The following RAB15 variants were observed in gnomAD, a reference collection of about 807,000 sequenced individuals.
RAB15 encodes RAB15, member RAS oncogene family, also known as ras-related protein Rab-15.
In RAB15, 13 loss-of-function variants were observed where a neutral mutation model predicts 31.8. The observed-to-expected ratio is 0.41, with a 90% CI of 0.27 to 0.65. The LOEUF (loss-of-function observed/expected upper bound fraction) is 0.65, where lower values mean the gene tolerates loss of function less well. RAB15 is among the 30% of genes least tolerant of loss of function. The pLI is 0.32. For synonymous variants in RAB15, 100 were observed against 105.6 expected, an observed-to-expected ratio of 0.95 and a Z score of 0.33; for missense variants, 220 against 277.3, an observed-to-expected ratio of 0.79 and a Z score of 1.47.
Position 64,948,723 on chromosome 14 carries a change from T to G in RAB15, c.425A>C (p.Glu142Ala). 6.2e-7 allele frequency: 1 copy of G among 1,613,990 alleles called. No homozygotes were observed. The highest frequency in any genetic ancestry group is 8.5e-7 in the Non-Finnish European group (1 of 1,179,968). The change falls in exon 6 of 7, where the codon GAG (glutamate) becomes GCG (alanine). Residue 142 changes from glutamate (E) to alanine (A), a missense_variant. Transcript: ENST00000533601. This position sits in a 1 kb window ranked among gnomAD's most constrained non-coding sequence, Gnocchi z 7.0. ...TGTTTCATAGAAGTCCATGCCATAC[T>G]CCTTCGCCAGCTGCAAGAGAAGGAC... Reference protein sequence around the residue: ...GREQGQQLAKEYGMDFYETSA... With the variant: ...GREQGQQLAKAYGMDFYETSA...
chr14:64,965,697 T>C lies in RAB15; in HGVS notation c.124+6256A>G, dbSNP rs375518133. On this transcript the variant is annotated intron_variant, in intron 1 of 6. Coordinates refer to ENST00000533601, the MANE Select transcript of RAB15 (RefSeq NM_001308154.2). The stretch of plus-strand genomic sequence containing the variant: ...AGAGCTGGCAATCAGGGTAGAAGGA[T>C]AATGGCCAAATATCAGCTTTCATGT... Among the ~76,000 whole-genome samples, 124 of 152,144 alleles carry C rather than the reference T, an allele frequency of 8.2e-4. 3 individuals carry two copies. The South Asian group carries it at 0.021, about 26-fold the overall frequency.
At position 64,947,195 on chromosome 14, in the gene RAB15, CTCT is replaced by C. The variant is rs1885969076; in HGVS notation, c.*1156_*1158del. 6.6e-6 allele frequency: 1 copy of C among 152,548 alleles called. No individual in the cohort carries two copies. Among genetic ancestry groups the C allele is most frequent in the African/African-American group, 2.4e-5 (1 of 41,570 alleles). 9.4% of individuals were successfully genotyped at this position (152,548 alleles called of 1,614,324 possible). A position where few individuals can be genotyped will look rare whatever the true frequency, so the allele number is the denominator to read the frequency against. ...CTCCGCCTGGGAGTCTGAGGAAATG[CTCT>C]TCTTACCTAAGAAATGGAAGATGGG... is the stretch of plus-strand genomic sequence containing the variant. On this transcript the variant is annotated 3_prime_UTR_variant, in exon 7 of 7. Transcript: ENST00000533601. This position sits in a 1 kb window ranked among gnomAD's most constrained non-coding sequence, Gnocchi z 5.6.
In RAB15 at chr14:64,968,260, C is replaced by T. The variant is rs116296298; in HGVS notation, c.124+3693G>A. On this transcript the variant is annotated intron_variant, in intron 1 of 6. Transcript: ENST00000533601. The surrounding 1 kb of genome is among the most constrained non-coding windows in gnomAD (Gnocchi z 4.9). Reference sequence around the variant, plus strand: ...TGCATCTAAACTGCCTAGAGCCCCACGGACACCTACTCAATCCCACCTCTG... The same window carrying T: ...TGCATCTAAACTGCCTAGAGCCCCATGGACACCTACTCAATCCCACCTCTG... Among the ~76,000 whole-genome samples, 158 of 152,294 alleles carry T rather than the reference C, an allele frequency of 1.0e-3. 1 individual carries two copies. The highest frequency in any genetic ancestry group is 3.7e-3 in the African/African-American group (152 of 41,570).
intron 1 of RAB15, among the ~76,000 whole-genome samples, chr14:64,961,362 A>G (rs1035260720): frequency 2.6e-5 from 4 of 152,186 alleles, no homozygotes; most frequent in Admixed American, 2.6e-4. Context: ...CCGGGAGCTG[A>G]TATGGTTTGG....
chr14:64,951,128 A>G lies in RAB15; in HGVS notation c.270T>C (p.Ile90=). The G allele has an allele frequency of 6.2e-7, 1 of 1,612,574 alleles. No homozygotes were observed. Among genetic ancestry groups the G allele is most frequent in the South Asian group, 1.1e-5 (1 of 91,082 alleles). ...TGTGCTGGTAAGAGCGCTCGCTGCTAATGTCATAGACCAAAAATATCCCCT... is the reference window on the plus strand; with the variant it reads ...TGTGCTGGTAAGAGCGCTCGCTGCTGATGTCATAGACCAAAAATATCCCCT... The part of the protein sequence containing the change: ...RAQGIFLVYD[I]SSERSYQHIM... Residue 90 remains isoleucine (I), a synonymous_variant, in exon 4 of 7, where the codon ATT becomes ATC. Transcript: ENST00000533601. This position sits in a 1 kb window ranked among gnomAD's most constrained non-coding sequence, Gnocchi z 7.2.
intron 1 of RAB15, among the ~76,000 whole-genome samples, chr14:64,959,240 A>G (rs1886731719): frequency 6.6e-6 from 1 of 152,196 alleles, no homozygotes; most frequent in African/African-American, 2.4e-5. Flanking sequence ...AGTTCAGCCC[A>G]TGGGTATCCA....
chr14:64,960,008 G>T (rs1287708028), intron 1 of RAB15, among the ~76,000 whole-genome samples: 4 of 152,198 alleles, frequency 2.6e-5, no homozygotes, highest in Non-Finnish European at 5.9e-5. Context: ...TCAATCAACT[G>T]ATGGTGCCAT....
At chr14:64,961,042 T>C (rs1886825446) in intron 1 of RAB15, among the ~76,000 whole-genome samples, 3 of 151,958 alleles carry the variant, frequency 2.0e-5, no homozygotes, top group Admixed American at 1.3e-4. Context: ...GGGTGCCAAA[T>C]GTTATCACCA....
rs1028605946 is a variant in RAB15 at position 64,952,748 on chromosome 14, A to T, written c.125-177T>A. Among the ~76,000 whole-genome samples the T allele has an allele frequency of 6.6e-6, 1 of 152,196 alleles. No individual in the cohort carries two copies. Among genetic ancestry groups the T allele is most frequent in the Admixed American group, 6.5e-5 (1 of 15,282 alleles). On this transcript the variant is annotated intron_variant, in intron 1 of 6. Coordinates refer to ENST00000533601, the MANE Select transcript of RAB15 (RefSeq NM_001308154.2). This position sits in a 1 kb window ranked among gnomAD's most constrained non-coding sequence, Gnocchi z 4.2. ...CCTTAAGGAAGTATCTGAAGCTTTG[A>T]AAGGGGCTTTCCTCCCTCCCTGAGC...
Position 64,971,884 on chromosome 14 carries a change from G to T in RAB15, c.124+69C>A, listed in dbSNP as rs761628733. On this transcript the variant is annotated intron_variant, in intron 1 of 6. Coordinates refer to ENST00000533601, the MANE Select transcript of RAB15 (RefSeq NM_001308154.2). The surrounding 1 kb of genome is among the most constrained non-coding windows in gnomAD (Gnocchi z 4.1). ...GGGGCTGGCAATTCCTCCCCAGCTG[G>T]GGACGGGGGCGGCGGGGAAAGGGGC... The T allele has an allele frequency of 2.2e-5, 32 of 1,453,460 alleles. No homozygotes were observed. In the South Asian group the frequency reaches 3.7e-4, roughly 17 times the overall value. 90.0% of individuals were successfully genotyped at this position (1,453,460 alleles called of 1,614,324 possible).
chr14:64,948,916 C>T lies in RAB15; in HGVS notation c.415-183G>A, dbSNP rs1263495538. 6.6e-6 allele frequency among the ~76,000 whole-genome samples: 1 copy of T among 152,120 alleles called. No homozygotes were observed. The highest frequency in any genetic ancestry group is 1.5e-5 in the Non-Finnish European group (1 of 68,016). On this transcript the variant is annotated intron_variant, in intron 5 of 6. Transcript: ENST00000533601. The surrounding 1 kb of genome is among the most constrained non-coding windows in gnomAD (Gnocchi z 7.0). ...AGGGTAGCAGAGAATGGGGGAAGAT[C>T]CTCCACAAATATGCCTCTCCATTCT...
At position 64,948,404 on chromosome 14, in the gene RAB15, C is replaced by G; in HGVS notation, c.589G>C (p.Glu197Gln). ...TTCGCTGGGCCCTCGGGTTTGCCCTCCTCCTCCTCCAGCTCTGCCAGTGCC... is the reference window on the plus strand; with the variant it reads ...TTCGCTGGGCCCTCGGGTTTGCCCTGCTCCTCCTCCAGCTCTGCCAGTGCC... Reference protein sequence around the residue: ...ELALAELEEEEGKPEGPANSS... With the variant: ...ELALAELEEEQGKPEGPANSS... Residue 197 changes from glutamate to glutamine, a missense_variant, in exon 7 of 7, where the codon GAG becomes CAG. Physicochemically the swap from Glu to Gln is conservative, Grantham distance 29. Transcript: ENST00000533601. This position sits in a 1 kb window ranked among gnomAD's most constrained non-coding sequence, Gnocchi z 7.0. 6.2e-7 allele frequency: 1 copy of G among 1,612,694 alleles called. No individual in the cohort carries two copies. Among genetic ancestry groups the G allele is most frequent in the Non-Finnish European group, 8.5e-7 (1 of 1,179,612 alleles).
Position 64,948,541 on chromosome 14 carries a change from A to G in RAB15, c.481-29T>C, listed in dbSNP as rs1253109859. On this transcript the variant is annotated intron_variant, in intron 6 of 6. Coordinates refer to ENST00000533601, the MANE Select transcript of RAB15 (RefSeq NM_001308154.2). The surrounding 1 kb of genome is among the most constrained non-coding windows in gnomAD (Gnocchi z 7.0). The stretch of plus-strand genomic sequence containing the variant: ...GAAACCAAAGGGCACAGGTTAGTCC[A>G]GTGTCTCCTCCTCTCCCCTGGCAAC... 3 of 1,600,682 alleles carry G rather than the reference A, an allele frequency of 1.9e-6. No individual in the cohort carries two copies. The highest frequency in any genetic ancestry group is 2.6e-6 in the Non-Finnish European group (3 of 1,172,932).
chr14:64,954,008 T>G lies in RAB15; in HGVS notation c.125-1437A>C. 1.0e-6 allele frequency: 1 copy of G among 985,418 alleles called. No homozygotes were observed. The highest frequency in any genetic ancestry group is 1.2e-6 in the Non-Finnish European group (1 of 829,922). The allele number at this position is 985,418 out of a possible 1,614,324, so 61.0% of individuals were successfully genotyped here. On this transcript the variant is annotated intron_variant, in intron 1 of 6. Transcript: ENST00000533601. This position sits in a 1 kb window ranked among gnomAD's most constrained non-coding sequence, Gnocchi z 4.3. ...CCCTTATCTGTGCTGTCCCCAGCTTTCTACAAAGGCAAACAAATTAAATTC... is the reference window on the plus strand; with the variant it reads ...CCCTTATCTGTGCTGTCCCCAGCTTGCTACAAAGGCAAACAAATTAAATTC...
rs146932878 is a variant in RAB15 at position 64,962,146 on chromosome 14, C to T, written c.125-9575G>A. Among the ~76,000 whole-genome samples, 117 of 151,872 alleles carry T rather than the reference C, an allele frequency of 7.7e-4. 1 individual carries two copies. In the Middle Eastern group the frequency reaches 0.01, roughly 13 times the overall value. On this transcript the variant is annotated intron_variant, in intron 1 of 6. Coordinates refer to ENST00000533601, the MANE Select transcript of RAB15 (RefSeq NM_001308154.2). The surrounding 1 kb of genome is among the most constrained non-coding windows in gnomAD (Gnocchi z 4.2). Reference sequence around the variant, plus strand: ...ATGAGAATCGCTTGAACCTGGGAGGCGGAAGTTGCAGTGAGCCAAGATTGT... The same window carrying T: ...ATGAGAATCGCTTGAACCTGGGAGGTGGAAGTTGCAGTGAGCCAAGATTGT...
At position 64,955,399 on chromosome 14, in the gene RAB15, G is replaced by T. The variant is rs1353751575; in HGVS notation, c.125-2828C>A. On this transcript the variant is annotated intron_variant, in intron 1 of 6. Transcript: ENST00000533601. This position sits in a 1 kb window ranked among gnomAD's most constrained non-coding sequence, Gnocchi z 4.4. Reference sequence around the variant, plus strand: ...GCCCCAGTAACCCGTGCCCATCGTGGCTCCTTCCCTCTCCCTGCGTGGCTG... The same window carrying T: ...GCCCCAGTAACCCGTGCCCATCGTGTCTCCTTCCCTCTCCCTGCGTGGCTG... Among the ~76,000 whole-genome samples, 2 of 152,152 alleles carry T rather than the reference G, an allele frequency of 1.3e-5. No individual in the cohort carries two copies. The highest frequency in any genetic ancestry group is 4.8e-5 in the African/African-American group (2 of 41,424).
Position 64,951,133 on chromosome 14 carries a change from C to T in RAB15, c.265G>A (p.Asp89Asn), listed in dbSNP as rs1226453436. Residue 89 changes from aspartate (D) to asparagine (N), a missense_variant, in exon 4 of 7, where the codon GAC (aspartate) becomes AAC (asparagine). Coordinates refer to ENST00000533601, the MANE Select transcript of RAB15 (RefSeq NM_001308154.2). This position sits in a 1 kb window ranked among gnomAD's most constrained non-coding sequence, Gnocchi z 7.2. The part of the protein sequence containing the change: ...RRAQGIFLVY[D>N]ISSERSYQHI... ...TGGTAAGAGCGCTCGCTGCTAATGT[C>T]ATAGACCAAAAATATCCCCTGAGAG... 1.2e-6 allele frequency: 2 copies of T among 1,612,404 alleles called. No homozygotes were observed. The highest frequency in any genetic ancestry group is 3.3e-5 in the Admixed American group (2 of 60,010).
At position 64,968,209 on chromosome 14, in the gene RAB15, T is replaced by G. The variant is rs1286233074; in HGVS notation, c.124+3744A>C. On this transcript the variant is annotated intron_variant, in intron 1 of 6. Transcript: ENST00000533601. The surrounding 1 kb of genome is among the most constrained non-coding windows in gnomAD (Gnocchi z 4.9). ...CAGAGAGAGAAACAGAAGAATCTTC[T>G]CACTTTCCTGAAGAATCCCTTCTGT... is the stretch of plus-strand genomic sequence containing the variant. 6.6e-6 allele frequency among the ~76,000 whole-genome samples: 1 copy of G among 152,180 alleles called. No individual in the cohort carries two copies. The highest frequency in any genetic ancestry group is 2.4e-5 in the African/African-American group (1 of 41,426).
chr14:64,963,584 C>A lies in RAB15; in HGVS notation c.124+8369G>T, dbSNP rs1886972329. ...CTGTGCTGACTGGTAGCAAAAGGTTCAGGGAAGAAAAGACTAGGACATAGA... is the reference window on the plus strand; with the variant it reads ...CTGTGCTGACTGGTAGCAAAAGGTTAAGGGAAGAAAAGACTAGGACATAGA... On this transcript the variant is annotated intron_variant, in intron 1 of 6. Coordinates refer to ENST00000533601, the MANE Select transcript of RAB15 (RefSeq NM_001308154.2). Among the ~76,000 whole-genome samples, 3 of 152,168 alleles carry A rather than the reference C, an allele frequency of 2.0e-5. No homozygotes were observed. In the South Asian group the frequency reaches 6.2e-4, roughly 32 times the overall value.
Sources: allele counts gnomAD v4.1 joint callset (sites outside exome capture counted in the v4.1 genomes callset), GRCh38; gene constraint gnomAD v4.1.1; non-coding constraint Gnocchi (gnomAD v3.1); transcripts MANE v1.5; gene names NCBI Gene and HGNC (gene_info 2026-07-23, HGNC 2026-07-21).